The following PRKCA variants were observed in gnomAD, a reference collection of about 807,000 sequenced individuals.
PRKCA encodes the protein protein kinase C alpha type.
A neutral mutation model predicts 87.0 loss-of-function variants in PRKCA; 27 were observed. The observed-to-expected ratio is 0.31, with a 90% CI of 0.23 to 0.43. The LOEUF is 0.43. Ranked by LOEUF, PRKCA falls within the 20% of genes least tolerant of loss-of-function variation. The pLI, the probability that PRKCA is intolerant of heterozygous loss-of-function variation, is 1.00. For synonymous variants in PRKCA, 329 were observed against 311.1 expected (o/e 1.06, Z -0.61); for missense variants, 518 against 852.3 (o/e 0.61, Z 4.88).
chr17:66,701,144 A>G (rs1014672327), intron 8 of PRKCA, among the ~76,000 whole-genome samples: 2 of 152,138 alleles, frequency 1.3e-5, no homozygotes, highest in African/African-American at 4.8e-5. Context: ...TAAACCCCAC[A>G]CATACGTGGT....
At chr17:66,757,328 G>T (rs1292287869) in intron 13 of PRKCA, among the ~76,000 whole-genome samples, 2 of 152,142 alleles carry the variant, frequency 1.3e-5, no homozygotes, top group East Asian at 3.9e-4. Flanking sequence ...AAGAAACAAG[G>T]AATGTTTGAA....
chr17:66,357,525 A>C (rs1285689363), intron 2 of PRKCA, among the ~76,000 whole-genome samples: 1 of 152,216 alleles, frequency 6.6e-6, no homozygotes, highest in Non-Finnish European at 1.5e-5. Flanking sequence ...AATTCTGTTA[A>C]GGAAGATGGT....
At chr17:66,709,989 C>T (rs893665319) in intron 8 of PRKCA, among the ~76,000 whole-genome samples, 4 of 152,132 alleles carry the variant, frequency 2.6e-5, no homozygotes, top group African/African-American at 9.7e-5. Context: ...CGAGTCGATT[C>T]GCCAAATACT....
chr17:66,439,191 T>A (rs59539216), intron 2 of PRKCA, among the ~76,000 whole-genome samples: 2,658 of 152,122 alleles, frequency 0.017, 91 homozygotes, highest in African/African-American at 0.061. Flanking sequence ...TTCTTTCTTT[T>A]TTTTATTGAG....
intron 3 of PRKCA, among the ~76,000 whole-genome samples, chr17:66,512,558 G>A (rs1244057428): frequency 2.6e-5 from 4 of 151,652 alleles, no homozygotes; most frequent in Admixed American, 6.6e-5. Flanking sequence ...ACACCTCACT[G>A]ACCAGAACAT....
chr17:66,505,920 C>T (rs1206051014), intron 3 of PRKCA, among the ~76,000 whole-genome samples: 1 of 152,160 alleles, frequency 6.6e-6, no homozygotes, highest in Non-Finnish European at 1.5e-5. Context: ...ACTTGAACTC[C>T]TGGACATAAG....
intron 2 of PRKCA, among the ~76,000 whole-genome samples, chr17:66,428,189 G>C (rs1223724766): frequency 6.6e-6 from 1 of 152,180 alleles, no homozygotes; most frequent in Non-Finnish European, 1.5e-5. Flanking sequence ...TGTAGGCACT[G>C]CTGTGCCAGA....
intron 8 of PRKCA, among the ~76,000 whole-genome samples, chr17:66,695,918 A>G (rs9913502): frequency 0.012 from 1,752 of 152,346 alleles, 40 homozygotes; most frequent in African/African-American, 0.039. Context: ...TTAAATTGCA[A>G]TGTCCCTTGA....
intron 3 of PRKCA, among the ~76,000 whole-genome samples, chr17:66,522,329 A>C (rs1327854546): frequency 2.0e-5 from 3 of 152,136 alleles, no homozygotes; most frequent in Non-Finnish European, 2.9e-5. Context: ...TGCAGTTTCT[A>C]TGTTTATTTC....
At chr17:66,552,609 C>T (rs1043347917) in intron 3 of PRKCA, among the ~76,000 whole-genome samples, 1 of 152,200 alleles carries the variant, frequency 6.6e-6, no homozygotes, top group Non-Finnish European at 1.5e-5. Context: ...GCCCCATGGG[C>T]TCCTTGCTTC....
intron 2 of PRKCA, among the ~76,000 whole-genome samples, chr17:66,384,477 ATTTT>A (rs1909938623): frequency 2.0e-5 from 3 of 152,214 alleles, no homozygotes; most frequent in African/African-American, 7.2e-5. Context: ...AGATTTGCTC[ATTTT>A]TAGAATAAAA....
At chr17:66,695,464 G>C (rs1171982300) in intron 8 of PRKCA, among the ~76,000 whole-genome samples, 1 of 152,184 alleles carries the variant, frequency 6.6e-6, no homozygotes, top group Non-Finnish European at 1.5e-5. Flanking sequence ...TACTCCATGT[G>C]CTGTTAACAG....
chr17:66,764,687 A>C (rs1974759112), intron 13 of PRKCA, among the ~76,000 whole-genome samples: 1 of 152,248 alleles, frequency 6.6e-6, no homozygotes, highest in Non-Finnish European at 1.5e-5. Context: ...TCCCATGTGC[A>C]GCAGGGAAAT....
chr17:66,692,267 T>C (rs751435519), intron 8 of PRKCA, among the ~76,000 whole-genome samples: 2 of 152,238 alleles, frequency 1.3e-5, no homozygotes, highest in Non-Finnish European at 2.9e-5. Flanking sequence ...TCCTAGATTT[T>C]ACTCAAATTA....
chr17:66,602,251 G>A lies in PRKCA; in HGVS notation c.289-39104G>A, dbSNP rs1174343168. On this transcript the variant is annotated intron_variant, in intron 3 of 16. Coordinates refer to ENST00000413366, the MANE Select transcript of PRKCA (RefSeq NM_002737.3). ...GTGGGCGTAGGACCCTCTGAGCCAG[G>A]TGTGGGATATAGTCTCGTGGTGCGC... is the stretch of plus-strand genomic sequence containing the variant. Among the ~76,000 whole-genome samples, 17 of 92,050 alleles carry A rather than the reference G, an allele frequency of 1.8e-4. No individual in the cohort carries two copies. In the East Asian group the frequency reaches 3.9e-3, roughly 21 times the overall value. 60.4% of individuals were successfully genotyped at this position (92,050 alleles called of 152,430 possible).
chr17:66,346,189 T>C (rs1366531671), intron 2 of PRKCA, among the ~76,000 whole-genome samples: 1 of 151,558 alleles, frequency 6.6e-6, no homozygotes, highest in East Asian at 1.9e-4. Flanking sequence ...TTCCACCTCC[T>C]GGGTTCAGGC....
intron 3 of PRKCA, among the ~76,000 whole-genome samples, chr17:66,518,714 G>C (rs1279469067): frequency 1.3e-5 from 2 of 152,098 alleles, no homozygotes; most frequent in Non-Finnish European, 2.9e-5. Context: ...AAAAAGAAAA[G>C]ATTTTTAACC....
At chr17:66,800,393 G>A (rs1235400595) in intron 16 of PRKCA, among the ~76,000 whole-genome samples, 3 of 152,204 alleles carry the variant, frequency 2.0e-5, no homozygotes, top group African/African-American at 7.2e-5. Flanking sequence ...CACAGGCGGA[G>A]CACGAGCCCT....
chr17:66,450,427 G>A (rs757530175), intron 2 of PRKCA, among the ~76,000 whole-genome samples: 1 of 152,196 alleles, frequency 6.6e-6, no homozygotes, highest in African/African-American at 2.4e-5. Context: ...TCTGATGAAT[G>A]AACGTGGGTC....
Sources: allele counts gnomAD v4.1 joint callset (sites outside exome capture counted in the v4.1 genomes callset), GRCh38; gene constraint gnomAD v4.1.1; transcripts MANE v1.5; gene names NCBI Gene and HGNC (gene_info 2026-07-23, HGNC 2026-07-21).